The following UBR3 variants were observed in gnomAD, a reference collection of about 807,000 sequenced individuals.
UBR3 encodes E3 ubiquitin-protein ligase UBR3.
A neutral mutation model predicts 243.2 loss-of-function variants in UBR3; 85 were observed. The observed-to-expected ratio is 0.35, with a 90% CI of 0.29 to 0.42. The LOEUF (loss-of-function observed/expected upper bound fraction) is 0.42, where lower values mean the gene tolerates loss of function less well. Ranked by LOEUF, UBR3 falls within the 10% of genes least tolerant of loss-of-function variation. The pLI is 1.00. For missense variants in UBR3, 1,686 were observed against 2,300.8 expected, an observed-to-expected ratio of 0.73 and a Z score of 5.47; for synonymous variants, 748 against 799.8, an observed-to-expected ratio of 0.94 and a Z score of 1.09.
chr2:169,929,967 G>T (rs1190783882), intron 18 of UBR3, among the ~76,000 whole-genome samples: 1 of 152,186 alleles, frequency 6.6e-6, no homozygotes, highest in Non-Finnish European at 1.5e-5. Context: ...TTCACAAGGA[G>T]CAAGAAAATC....
At chr2:169,995,946 A>G (rs1260521261) in intron 26 of UBR3, among the ~76,000 whole-genome samples, 1 of 152,210 alleles carries the variant, frequency 6.6e-6, no homozygotes, top group African/African-American at 2.4e-5. Context: ...GTCTTGAATT[A>G]AATAAATGTA....
intron 23 of UBR3, among the ~76,000 whole-genome samples, chr2:169,956,206 C>A (rs1314490335): frequency 6.9e-4 from 5 of 7,296 alleles, no homozygotes; most frequent in African/African-American, 1.1e-3. Flanking sequence ...ACCTATAACT[C>A]TCTCTCTCTC....
intron 11 of UBR3, among the ~76,000 whole-genome samples, chr2:169,919,654 T>C (rs1052802373): frequency 4.6e-5 from 7 of 152,128 alleles, no homozygotes; most frequent in African/African-American, 1.7e-4. Flanking sequence ...GCAAAGGATA[T>C]GAACAGACAC....
chr2:169,938,475 C>T (rs2086435847), intron 19 of UBR3, among the ~76,000 whole-genome samples: 1 of 151,958 alleles, frequency 6.6e-6, no homozygotes, highest in South Asian at 2.1e-4. Flanking sequence ...GTTGCCCAGG[C>T]TGGTTTGATC....
At chr2:169,916,169 A>G (rs1455175072) in intron 11 of UBR3, among the ~76,000 whole-genome samples, 1 of 152,130 alleles carries the variant, frequency 6.6e-6, no homozygotes, top group Non-Finnish European at 1.5e-5. Context: ...GTACATATAC[A>G]TATTTGCATC....
At chr2:169,986,007 T>C (rs2088984358) in intron 24 of UBR3, among the ~76,000 whole-genome samples, 2 of 152,182 alleles carry the variant, frequency 1.3e-5, no homozygotes, top group African/African-American at 4.8e-5. Context: ...CTGTAAATAA[T>C]TATTAACTCA....
At chr2:170,049,234 A>C (rs2091161231) in intron 32 of UBR3, among the ~76,000 whole-genome samples, 1 of 152,252 alleles carries the variant, frequency 6.6e-6, no homozygotes, top group African/African-American at 2.4e-5. Context: ...TTATTCTCAC[A>C]ATGTAAGGCT....
In UBR3 at chr2:169,927,283, T is replaced by C. The variant is rs16857283; in HGVS notation, c.2339-37T>C. ...AGTTTTTTTCTTTATAATTTATGTATACTCAGATTTGTTAATTCCGTTTTT... is the reference window on the plus strand; with the variant it reads ...AGTTTTTTTCTTTATAATTTATGTACACTCAGATTTGTTAATTCCGTTTTT... On this transcript the variant is annotated intron_variant, in intron 16 of 38. Transcript: ENST00000272793. The C allele has an allele frequency of 1.5e-3, 2,215 of 1,499,478 alleles. 37 individuals carry two copies. In the African/African-American group the frequency reaches 0.028, roughly 19 times the overall value. 92.9% of individuals were successfully genotyped at this position (1,499,478 alleles called of 1,614,324 possible). A position where few individuals can be genotyped will look rare whatever the true frequency, so the allele number is the denominator to read the frequency against.
chr2:169,995,623 A>G (rs1162663728), intron 26 of UBR3, among the ~76,000 whole-genome samples: 1 of 152,208 alleles, frequency 6.6e-6, no homozygotes, highest in Non-Finnish European at 1.5e-5. Context: ...TTATTATGGT[A>G]GGAATGTTGT....
chr2:170,077,367 A>C (rs2091831363), intron 36 of UBR3: 1 of 1,013,406 alleles, frequency 9.9e-7, no homozygotes, highest in Admixed American at 1.8e-5. Context: ...TGGTAATAAC[A>C]TCCAAAGTTA....
At chr2:169,927,098 T>C in intron 16 of UBR3, 127 bp downstream of exon 16, 1 of 1,221,502 alleles carries the variant, frequency 8.2e-7, no homozygotes, top group South Asian at 1.6e-5. Flanking sequence ...TGTTTCAAAC[T>C]CTTGATATGT....
At chr2:169,882,410 G>T (rs1264476464) in intron 5 of UBR3, among the ~76,000 whole-genome samples, 1 of 143,398 alleles carries the variant, frequency 7.0e-6, no homozygotes, top group Non-Finnish European at 1.5e-5. Context: ...ATAAAATAAG[G>T]TGTTTGCTTT....
In UBR3 at chr2:170,057,144, G is replaced by A. The variant is rs538732771; in HGVS notation, c.4785+1560G>A. ...TTTTTTTTTTTTTTTTTGAGACAGG[G>A]TCTCATTGTCACCCAGGCTGTAGTG... On this transcript the variant is annotated intron_variant, in intron 33 of 38. Coordinates refer to ENST00000272793, the MANE Select transcript of UBR3 (RefSeq NM_172070.4). Among the ~76,000 whole-genome samples the A allele has an allele frequency of 2.3e-4, 34 of 144,682 alleles. No individual in the cohort carries two copies. In the South Asian group the frequency reaches 7.4e-3, roughly 31 times the overall value. The allele number at this position is 144,682 out of a possible 152,430, so 94.9% of individuals were successfully genotyped here. A position where few individuals can be genotyped will look rare whatever the true frequency, so the allele number is the denominator to read the frequency against.
intron 2 of UBR3, 112 bp downstream of exon 2, chr2:169,872,487 A>G: frequency 1.3e-6 from 1 of 749,836 alleles, no homozygotes; most frequent in Admixed American, 3.8e-5. Flanking sequence ...TTTAACATTT[A>G]AAAAGAGATG....
At chr2:169,914,874 T>TGTG (rs2085398802) in intron 11 of UBR3, among the ~76,000 whole-genome samples, 2 of 126,952 alleles carry the variant, frequency 1.6e-5, no homozygotes, top group Non-Finnish European at 3.3e-5. Flanking sequence ...GTGTGTGTGT[T>TGTG]TTTTTTCCTT....
chr2:169,889,084 T>C (rs2084225125), intron 5 of UBR3, among the ~76,000 whole-genome samples: 1 of 152,224 alleles, frequency 6.6e-6, no homozygotes, highest in South Asian at 2.1e-4. Flanking sequence ...ATTCTCACCA[T>C]TGGTATGTAA....
chr2:169,872,199 G>C, intron 1 of UBR3, 37 bp from the exon 2 acceptor site: 1 of 1,372,064 alleles, frequency 7.3e-7, no homozygotes, highest in Non-Finnish European at 9.8e-7. Context: ...TAGCTGATTA[G>C]ACATTACTGT....
chr2:170,039,151 TGAA>T (rs1367958909), intron 31 of UBR3, among the ~76,000 whole-genome samples: 4 of 152,166 alleles, frequency 2.6e-5, no homozygotes, highest in African/African-American at 9.7e-5. Context: ...GATGAACCTG[TGAA>T]GAAGACTAAA....
At chr2:169,865,675 A>G (rs903059317) in intron 1 of UBR3, among the ~76,000 whole-genome samples, 3 of 152,046 alleles carry the variant, frequency 2.0e-5, no homozygotes, top group South Asian at 2.1e-4. Context: ...CCAGCTCTCA[A>G]TTCTTTTATT....
Sources: gnomAD v4.1 joint callset for allele counts (sites outside exome capture counted in the v4.1 genomes callset) on GRCh38, gnomAD v4.1.1 for gene constraint, MANE v1.5 for transcripts, NCBI Gene and HGNC (gene_info 2026-07-23, HGNC 2026-07-21) for gene names.